Variants in FRK observed in about 807,000 individuals in gnomAD.
The protein encoded by FRK is fyn related Src family tyrosine kinase.
A neutral mutation model predicts 56.4 loss-of-function variants in FRK; 51 were observed. The ratio of observed to expected loss-of-function variants is 0.90; its 90% CI spans 0.72 to 1.14. The LOEUF is 1.14. Ranked by LOEUF, FRK falls within the 50% of genes most tolerant of loss-of-function variation. The pLI, the probability that FRK is intolerant of heterozygous loss-of-function variation, is 0.00. For missense variants in FRK, 570 were observed against 601.4 expected (o/e 0.95, Z 0.55); for synonymous variants, 245 against 217.9 (o/e 1.12, Z -1.10).
chr6:116,043,116 A>G (rs1273940975), intron 1 of FRK, among the ~76,000 whole-genome samples: 2 of 152,232 alleles, frequency 1.3e-5, no homozygotes, highest in Non-Finnish European at 2.9e-5. Flanking sequence ...AAACAGACTT[A>G]GACTCTCACA....
At chr6:116,017,135 AAGGC>A (rs1336725345) in intron 1 of FRK, among the ~76,000 whole-genome samples, 2 of 152,028 alleles carry the variant, frequency 1.3e-5, no homozygotes, top group Non-Finnish European at 2.9e-5. Flanking sequence ...GTTGTGGAAA[AAGGC>A]AGACTGAGAG....
At chr6:116,015,116 A>T (rs189972055) in intron 1 of FRK, among the ~76,000 whole-genome samples, 1 of 152,230 alleles carries the variant, frequency 6.6e-6, no homozygotes, top group East Asian at 1.9e-4. Context: ...TTACTTATTG[A>T]TATGGTTTGG....
chr6:115,942,981 C>A, intron 7 of FRK, 39 bp downstream of exon 7: 1 of 1,583,926 alleles, frequency 6.3e-7, no homozygotes. Flanking sequence ...AAGTAAGTGA[C>A]ATGCAGCAGA....
chr6:115,953,975 A>G (rs1772890545), intron 5 of FRK, among the ~76,000 whole-genome samples: 1 of 152,234 alleles, frequency 6.6e-6, no homozygotes, highest in East Asian at 1.9e-4. Flanking sequence ...TTAACAGCCA[A>G]GAAGATAAAA....
At chr6:116,043,513 G>C (rs937330935) in intron 1 of FRK, among the ~76,000 whole-genome samples, 1 of 152,108 alleles carries the variant, frequency 6.6e-6, no homozygotes, top group African/African-American at 2.4e-5. Context: ...AATTAAGGCA[G>C]AAATAAATAA....
chr6:115,990,575 T>C (rs1774561759), intron 2 of FRK, among the ~76,000 whole-genome samples: 2 of 151,860 alleles, frequency 1.3e-5, no homozygotes, highest in Middle Eastern at 3.4e-3. Context: ...TGAAGATCAG[T>C]TGGTTTTGGC....
chr6:116,071,851 C>T, the FRK span, among the ~76,000 whole-genome samples: 2 of 152,066 alleles, frequency 1.3e-5, no homozygotes. Context: ...AAAATGTGAC[C>T]AGATAAATAT....
chr6:116,084,306 T>A, the FRK span, among the ~76,000 whole-genome samples: 1 of 152,180 alleles, frequency 6.6e-6, no homozygotes, highest in Non-Finnish European at 1.5e-5. Context: ...CTCGGTGGTT[T>A]AAAATAGTAT....
intron 2 of FRK, among the ~76,000 whole-genome samples, chr6:115,982,401 A>T (rs1403938993): frequency 6.6e-6 from 1 of 152,172 alleles, no homozygotes; most frequent in Non-Finnish European, 1.5e-5. Context: ...GCCAATTCCC[A>T]TAATAAATTT....
intron 1 of FRK, among the ~76,000 whole-genome samples, chr6:116,026,546 G>GGAAA (rs1776096545): frequency 1.9e-5 from 1 of 51,762 alleles, no homozygotes; most frequent in Non-Finnish European, 4.8e-5. Flanking sequence ...GAGGAAAGAA[G>GGAAA]GAAGGAAGGA....
intron 2 of FRK, among the ~76,000 whole-genome samples, chr6:115,975,105 G>A (rs1435775254): frequency 1.3e-5 from 2 of 151,970 alleles, no homozygotes; most frequent in East Asian, 1.9e-4. Context: ...ATACTTTCGG[G>A]ACTTACAAGA....
At chr6:116,054,881 T>TA (rs1460360744) in intron 1 of FRK, among the ~76,000 whole-genome samples, 4 of 152,052 alleles carry the variant, frequency 2.6e-5, no homozygotes, top group Non-Finnish European at 5.9e-5. Context: ...TGATGACTTT[T>TA]AAAATGTATT....
intron 2 of FRK, among the ~76,000 whole-genome samples, chr6:115,993,392 G>T (rs540849685): frequency 1.3e-5 from 2 of 151,880 alleles, no homozygotes; most frequent in African/African-American, 4.8e-5. Context: ...TCATTCTTTT[G>T]TGATTAACTT....
chr6:115,995,591 A>G (rs1375890020), intron 2 of FRK, among the ~76,000 whole-genome samples: 1 of 152,180 alleles, frequency 6.6e-6, no homozygotes, highest in East Asian at 1.9e-4. Context: ...AGGGGTTCAC[A>G]GACAAACAAA....
At chr6:116,016,306 T>C (rs1775651531) in intron 1 of FRK, among the ~76,000 whole-genome samples, 1 of 152,184 alleles carries the variant, frequency 6.6e-6, no homozygotes, top group African/African-American at 2.4e-5. Context: ...AGGTTGACTA[T>C]AGTTAACATT....
At chr6:116,094,526 T>C in the FRK span, among the ~76,000 whole-genome samples, 1 of 152,236 alleles carries the variant, frequency 6.6e-6, no homozygotes, top group African/African-American at 2.4e-5. Context: ...TATCTAATCC[T>C]ACATGCTCAC....
chr6:116,029,512 G>C (rs1679115539), intron 1 of FRK, among the ~76,000 whole-genome samples: 1 of 152,060 alleles, frequency 6.6e-6, no homozygotes, highest in African/African-American at 2.4e-5. Flanking sequence ...GTGTAGTAGT[G>C]AGTCATACCA....
the FRK span, among the ~76,000 whole-genome samples, chr6:116,096,144 C>T: frequency 3.3e-5 from 5 of 152,292 alleles, no homozygotes; most frequent in African/African-American, 4.8e-5. Flanking sequence ...CAACTTCTAC[C>T]GAGGACCCGT....
At chr6:116,001,717 T>C (rs1029275139) in intron 2 of FRK, among the ~76,000 whole-genome samples, 15 of 152,344 alleles carry the variant, frequency 9.8e-5, no homozygotes, top group South Asian at 2.1e-4. Flanking sequence ...AACTTTTCTA[T>C]GAAATCATAA....
Sources: gnomAD v4.1 joint callset for allele counts (sites outside exome capture counted in the v4.1 genomes callset) on GRCh38, gnomAD v4.1.1 for gene constraint, MANE v1.5 for transcripts, NCBI Gene and HGNC (gene_info 2026-07-23, HGNC 2026-07-21) for gene names.